Variants in DCAF10 observed in about 807,000 individuals in gnomAD.
DCAF10 encodes DDB1 and CUL4 associated factor 10, also known as DDB1- and CUL4-associated factor 10.
A neutral mutation model predicts 51.9 loss-of-function variants in DCAF10; 19 were observed. The ratio of observed to expected loss-of-function variants is 0.37; its 90% CI spans 0.26 to 0.54. The LOEUF is 0.54. DCAF10 is among the 20% of genes least tolerant of loss of function. The pLI, the probability that DCAF10 is intolerant of heterozygous loss-of-function variation, is 0.87. For missense variants in DCAF10, 510 were observed against 730.6 expected (o/e 0.70, Z 3.48); for synonymous variants, 291 against 297.1 (o/e 0.98, Z 0.21).
At chr9:37,825,720 TA>T (rs1390333371) in intron 2 of DCAF10, among the ~76,000 whole-genome samples, 1 of 152,022 alleles carries the variant, frequency 6.6e-6, no homozygotes, top group Non-Finnish European at 1.5e-5. Context: ...CCCCTGAACT[TA>T]AAAATTTAAA....
At chr9:37,818,315 T>G (rs902692990) in intron 1 of DCAF10, among the ~76,000 whole-genome samples, 2 of 152,156 alleles carry the variant, frequency 1.3e-5, no homozygotes, top group African/African-American at 2.4e-5. Flanking sequence ...TTAATGGTTG[T>G]TTTTTAATCT....
chr9:37,814,285 T>G (rs1589080890), intron 1 of DCAF10, among the ~76,000 whole-genome samples: 1 of 144,738 alleles, frequency 6.9e-6, no homozygotes, highest in Non-Finnish European at 1.5e-5. Context: ...ATTACAGGCA[T>G]GTGCCACCAC....
chr9:37,821,774 TAA>T (rs1425904886), intron 2 of DCAF10, among the ~76,000 whole-genome samples: 5 of 152,216 alleles, frequency 3.3e-5, no homozygotes, highest in African/African-American at 1.2e-4. Context: ...GGGACCTAAT[TAA>T]ACTAAAGAGA....
chr9:37,854,992 T>G lies in DCAF10; in HGVS notation c.1054+10T>G. 6.3e-7 allele frequency: 1 copy of G among 1,585,862 alleles called. No homozygotes were observed. ...ACTACTTCAAGTTCAGGTAAGCTTT[T>G]CTTTTTTGGTCAAAAAGATTTTTCT... On this transcript the variant is annotated intron_variant, in intron 4 of 6. Coordinates refer to ENST00000377724, the MANE Select transcript of DCAF10 (RefSeq NM_024345.5).
chr9:37,810,478 A>G, intron 1 of DCAF10, among the ~76,000 whole-genome samples: 1 of 150,004 alleles, frequency 6.7e-6, no homozygotes, highest in African/African-American at 2.4e-5. Flanking sequence ...TTTTTTTGAG[A>G]CAGAGTTTCA....
In DCAF10 at chr9:37,864,970, CCCAGGTTTGTGTCTTGT is replaced by C. The variant is rs1449377918; in HGVS notation, c.*3466_*3482del. ...GTGAGTGGCAGCACTGGGATTCAAA[CCCAGGTTTGTGTCTTGT>C]CCAAAGCCTGTGCTTACTGCTTTAC... On this transcript the variant is annotated 3_prime_UTR_variant, in exon 7 of 7. Coordinates refer to ENST00000377724, the MANE Select transcript of DCAF10 (RefSeq NM_024345.5). 2 of 152,088 alleles carry C rather than the reference CCCAGGTTTGTGTCTTGT, an allele frequency of 1.3e-5. No individual in the cohort carries two copies. Among genetic ancestry groups the C allele is most frequent in the African/African-American group, 4.8e-5 (2 of 41,430 alleles). The allele number at this position is 152,088 out of a possible 1,614,324, so 9.4% of individuals were successfully genotyped here.
At chr9:37,821,044 A>G (rs932772107) in intron 2 of DCAF10, among the ~76,000 whole-genome samples, 2 of 152,022 alleles carry the variant, frequency 1.3e-5, no homozygotes, top group African/African-American at 4.8e-5. Flanking sequence ...AACCACTGTT[A>G]CCCATTTCTT....
chr9:37,853,276 G>C (rs1043562944), intron 3 of DCAF10, among the ~76,000 whole-genome samples: 1 of 150,744 alleles, frequency 6.6e-6, no homozygotes, highest in Non-Finnish European at 1.5e-5. Context: ...GCATGGGTGT[G>C]GTGGTGCGTG....
rs1349740544 is a variant in DCAF10 at position 37,866,775 on chromosome 9, A to G, written c.*5267A>G. ...TAGTTGCAACTAAGTAAGATATACTACAAACTAAGGATGCTGCTAGACTAA... is the reference window on the plus strand; with the variant it reads ...TAGTTGCAACTAAGTAAGATATACTGCAAACTAAGGATGCTGCTAGACTAA... On this transcript the variant is annotated 3_prime_UTR_variant, in exon 7 of 7. Transcript: ENST00000377724. 2 of 152,638 alleles carry G rather than the reference A, an allele frequency of 1.3e-5. No homozygotes were observed. The highest frequency in any genetic ancestry group is 4.8e-5 in the African/African-American group (2 of 41,446). 9.5% of individuals were successfully genotyped at this position (152,638 alleles called of 1,614,324 possible). A position where few individuals can be genotyped will look rare whatever the true frequency, so the allele number is the denominator to read the frequency against.
chr9:37,845,984 G>C (rs1047487272), intron 3 of DCAF10, among the ~76,000 whole-genome samples: 4 of 151,956 alleles, frequency 2.6e-5, no homozygotes. Context: ...AAACTGATCA[G>C]ATTATTGAAA....
chr9:37,830,897 C>T (rs991564898), intron 2 of DCAF10, among the ~76,000 whole-genome samples: 5 of 152,178 alleles, frequency 3.3e-5, no homozygotes, highest in Admixed American at 2.6e-4. Context: ...TTAGAGAAAT[C>T]GATTTTGAAG....
At chr9:37,859,935 G>T in intron 5 of DCAF10, 113 bp from the exon 6 acceptor site, 2 of 1,272,372 alleles carry the variant, frequency 1.6e-6, no homozygotes, top group Non-Finnish European at 2.2e-6. Flanking sequence ...AGCATAAGGG[G>T]CAGACTAAGG....
intron 3 of DCAF10, among the ~76,000 whole-genome samples, chr9:37,844,321 C>T (rs1395342813): frequency 6.6e-6 from 1 of 151,590 alleles, no homozygotes; most frequent in Non-Finnish European, 1.5e-5. Flanking sequence ...AGGAGACCAG[C>T]CTGGCCAACA....
At position 37,814,080 on chromosome 9, in the gene DCAF10, CTATATATATATATATA is replaced by C. The variant is rs58660288; in HGVS notation, c.540-5176_540-5161del. 3.0e-3 allele frequency among the ~76,000 whole-genome samples: 140 copies of C among 47,098 alleles called. 3 individuals carry two copies. Among genetic ancestry groups the C allele is most frequent in the East Asian group, 0.012 (15 of 1,206 alleles). 30.9% of individuals were successfully genotyped at this position (47,098 alleles called of 152,430 possible). On this transcript the variant is annotated intron_variant, in intron 1 of 6. Transcript: ENST00000377724. Reference sequence around the variant, plus strand: ...TGAACCACTTTGAAACTATTTGTCACTATATATATATATATATATATATATATATATATATATATAT... The same window carrying C: ...TGAACCACTTTGAAACTATTTGTCACTATATATATATATATATATATATAT...
intron 2 of DCAF10, among the ~76,000 whole-genome samples, chr9:37,828,764 G>A (rs1414832596): frequency 6.6e-6 from 1 of 151,994 alleles, no homozygotes; most frequent in East Asian, 1.9e-4. Context: ...AGTGCGGGGT[G>A]GAAATGGAAA....
intron 4 of DCAF10, 71 bp downstream of exon 4, chr9:37,855,053 T>C (rs1830806887): frequency 1.4e-6 from 2 of 1,399,502 alleles, no homozygotes; most frequent in Admixed American, 4.7e-5. Context: ...ATAGGTTTCT[T>C]TTCTGAAAAT....
Position 37,850,082 on chromosome 9 carries a change from GGGCCAAATTTGGCCCATA to G in DCAF10, c.852-4690_852-4673del, listed in dbSNP as rs541312580. Among the ~76,000 whole-genome samples the G allele has an allele frequency of 1.7e-3, 259 of 152,184 alleles. 1 individual carries two copies. The highest frequency in any genetic ancestry group is 5.5e-3 in the African/African-American group (230 of 41,528). On this transcript the variant is annotated intron_variant, in intron 3 of 6. Coordinates refer to ENST00000377724, the MANE Select transcript of DCAF10 (RefSeq NM_024345.5). ...TTTAAAACATAAAATAGATAAAAGT[GGGCCAAATTTGGCCCATA>G]GGCCAAAGTTTTCTACTCCCTGTTC...
chr9:37,836,816 G>T (rs865859618), intron 2 of DCAF10, among the ~76,000 whole-genome samples: 1 of 151,796 alleles, frequency 6.6e-6, no homozygotes, highest in Non-Finnish European at 1.5e-5. Context: ...GGTTAATTCA[G>T]ATTGAGCAGT....
intron 1 of DCAF10, among the ~76,000 whole-genome samples, chr9:37,817,582 A>G (rs1474555982): frequency 6.6e-6 from 1 of 151,330 alleles, no homozygotes; most frequent in Non-Finnish European, 1.5e-5. Flanking sequence ...TGGGTGATAG[A>G]GCGAGACTTC....
Sources: gnomAD v4.1 joint callset for allele counts (sites outside exome capture counted in the v4.1 genomes callset) on GRCh38, gnomAD v4.1.1 for gene constraint, MANE v1.5 for transcripts, NCBI Gene and HGNC (gene_info 2026-07-23, HGNC 2026-07-21) for gene names.